TMEM50B: variants seen among roughly 807,000 people sequenced by gnomAD.
TMEM50B encodes the protein transmembrane protein 50B, also known as HCV p7-trans-regulated protein 3.
In TMEM50B, 14 loss-of-function variants were observed where a neutral mutation model predicts 23.4. That is an observed-to-expected ratio of 0.60 (90% CI 0.39 to 0.93). The LOEUF (loss-of-function observed/expected upper bound fraction) is 0.93. Among genes scored for constraint, TMEM50B ranks in the 40% least tolerant of loss-of-function variants. The pLI, the probability that TMEM50B is intolerant of heterozygous loss-of-function variation, is 0.00. For missense variants in TMEM50B, 159 were observed against 193.0 expected (o/e 0.82, Z 1.04); for synonymous variants, 64 against 62.3 (o/e 1.03, Z -0.13).
At chr21:33,479,345 C>T (rs942498303) in intron 1 of TMEM50B, 1 of 152,500 alleles carries the variant, frequency 6.6e-6, no homozygotes, top group Admixed American at 6.5e-5. Context: ...GTGCAGAAAA[C>T]ACAGGCTCCT....
At position 33,449,263 on chromosome 21, in the gene TMEM50B, G is replaced by A. The variant is rs1044218; in HGVS notation, c.*1555C>T. On this transcript the variant is annotated 3_prime_UTR_variant, in exon 7 of 7. Coordinates refer to ENST00000542230, the MANE Select transcript of TMEM50B (RefSeq NM_006134.7). The stretch of plus-strand genomic sequence containing the variant: ...TGAAGAAAAAACAGCAAAGAAAGAA[G>A]TCATCAAACAAGATGGTATCTTGAC... 88,907 of 152,078 alleles carry A rather than the reference G, an allele frequency of 0.58. 28,020 individuals are homozygous for A. The highest frequency in any genetic ancestry group is 0.83 in the East Asian group (4,300 of 5,178). 9.4% of individuals were successfully genotyped at this position (152,078 alleles called of 1,614,324 possible).
chr21:33,468,677 G>T, intron 2 of TMEM50B, 110 bp downstream of exon 2: 1 of 779,078 alleles, frequency 1.3e-6, no homozygotes, highest in Non-Finnish European at 2.2e-6. Context: ...ATACAAAACA[G>T]CAGTGAAATA....
At chr21:33,468,693 T>C in intron 2 of TMEM50B, 94 bp downstream of exon 2, 2 of 941,966 alleles carry the variant, frequency 2.1e-6, no homozygotes, top group East Asian at 2.4e-5. Context: ...AAATAAATAG[T>C]TCTGGAAAGC....
chr21:33,470,274 C>T (rs1199683695), intron 1 of TMEM50B, among the ~76,000 whole-genome samples: 9 of 151,434 alleles, frequency 5.9e-5, no homozygotes, highest in African/African-American at 1.9e-4. Flanking sequence ...GAGTTCATGA[C>T]CAGCCTGGCC....
At chr21:33,478,850 C>G (rs1228613650) in intron 1 of TMEM50B, 1 of 471,070 alleles carries the variant, frequency 2.1e-6, no homozygotes, top group Non-Finnish European at 4.4e-6. Context: ...CCTGAGAGTT[C>G]AGAGCCTCTG....
chr21:33,472,041 A>AG (rs1555885521), intron 1 of TMEM50B, among the ~76,000 whole-genome samples: 4 of 150,944 alleles, frequency 2.6e-5, no homozygotes, highest in Non-Finnish European at 3.0e-5. Flanking sequence ...AAAAAAAAAA[A>AG]AAAGAAAGAA....
chr21:33,479,493 G>C (rs2850029), intron 1 of TMEM50B: 2 of 152,250 alleles, frequency 1.3e-5, no homozygotes, highest in Admixed American at 6.5e-5. Context: ...CGCGCGAGAA[G>C]GTGAAAGGCA....
chr21:33,476,985 T>G (rs997667270), intron 1 of TMEM50B, among the ~76,000 whole-genome samples: 3 of 151,734 alleles, frequency 2.0e-5, no homozygotes, highest in Admixed American at 6.6e-5. Context: ...CAAACAACGG[T>G]ATACCATGCA....
downstream of TMEM50B, among the ~76,000 whole-genome samples, chr21:33,446,103 C>T (rs752170493): frequency 7.9e-5 from 12 of 152,182 alleles, no homozygotes; most frequent in Non-Finnish European, 1.2e-4. Context: ...TGGCCACAGG[C>T]TTTTCCCAAA....
At chr21:33,443,494 A>T (rs1389368817) in intron 7 of TMEM50B, among the ~76,000 whole-genome samples, 1 of 152,218 alleles carries the variant, frequency 6.6e-6, no homozygotes, top group Admixed American at 6.5e-5. Context: ...CCTGATACGT[A>T]AGCCACTCAA....
intron 8 of TMEM50B, chr21:33,432,917 GCT>G (rs937863192): frequency 6.0e-6 from 9 of 1,502,606 alleles, no homozygotes; most frequent in Non-Finnish European, 8.2e-6. Flanking sequence ...ACAGGGTCTT[GCT>G]CTGTTGCCCA....
At chr21:33,440,811 G>C (rs969626402) in intron 7 of TMEM50B, among the ~76,000 whole-genome samples, 1 of 151,912 alleles carries the variant, frequency 6.6e-6, no homozygotes, top group African/African-American at 2.4e-5. Flanking sequence ...GAACCTGGGA[G>C]GCAGAGGTTG....
chr21:33,460,067 G>A (rs2084203562), intron 5 of TMEM50B, among the ~76,000 whole-genome samples: 1 of 152,140 alleles, frequency 6.6e-6, no homozygotes, highest in Non-Finnish European at 1.5e-5. Flanking sequence ...TTGTATATAA[G>A]GGAGTGTACA....
intron 7 of TMEM50B, among the ~76,000 whole-genome samples, chr21:33,439,987 A>C (rs2083994058): frequency 6.6e-6 from 1 of 152,094 alleles, no homozygotes; most frequent in African/African-American, 2.4e-5. Context: ...CGGAGGTTGC[A>C]GTGAGCTGAC....
At chr21:33,463,029 T>A (rs544850934) in intron 4 of TMEM50B, among the ~76,000 whole-genome samples, 1 of 152,340 alleles carries the variant, frequency 6.6e-6, no homozygotes, top group Non-Finnish European at 1.5e-5. Flanking sequence ...TGGTGGTTCA[T>A]GCCTGTAATC....
intron 1 of TMEM50B, among the ~76,000 whole-genome samples, chr21:33,475,803 A>G (rs1471311868): frequency 6.6e-6 from 1 of 152,250 alleles, no homozygotes; most frequent in East Asian, 2.0e-4. Context: ...AAATACAAAA[A>G]ATCAGCTGGG....
chr21:33,450,841 T>C lies in TMEM50B; in HGVS notation c.454A>G (p.Arg152Gly). 6.2e-7 allele frequency: 1 copy of C among 1,613,270 alleles called. No individual in the cohort carries two copies. The highest frequency in any genetic ancestry group is 1.1e-5 in the South Asian group (1 of 90,984). The change falls in exon 7 of 7, where the codon AGA (arginine) becomes GGA (glycine). Residue 152 changes from arginine (R) to glycine (G), a missense_variant. Transcript: ENST00000542230. ...TCTCAGGTCCATAGCTCTTCGGTTCTTCCAAATTTGTAGATCAGAGTGCTA... is the reference window on the plus strand; with the variant it reads ...TCTCAGGTCCATAGCTCTTCGGTTCCTCCAAATTTGTAGATCAGAGTGCTA... ...FFSTLIYKFG[R>G]TEELWT is the part of the protein sequence containing the mutation.
chr21:33,476,894 C>A (rs533677875), intron 1 of TMEM50B, among the ~76,000 whole-genome samples: 61 of 151,682 alleles, frequency 4.0e-4, no homozygotes, highest in African/African-American at 1.5e-3. Flanking sequence ...TTTCATAAAG[C>A]AAAGCTTTTA....
chr21:33,465,272 A>T (rs925084180), intron 4 of TMEM50B, 70 bp downstream of exon 4: 20 of 1,162,130 alleles, frequency 1.7e-5, no homozygotes, highest in Non-Finnish European at 2.6e-5. Flanking sequence ...AAGACTCACA[A>T]GAGAGGCTTT....
Sources: gnomAD v4.1 joint callset for allele counts (sites outside exome capture counted in the v4.1 genomes callset) on GRCh38, gnomAD v4.1.1 for gene constraint, MANE v1.5 for transcripts, NCBI Gene and HGNC (gene_info 2026-07-23, HGNC 2026-07-21) for gene names.